SUOX: variants seen among roughly 807,000 people sequenced by gnomAD.
The protein encoded by SUOX is sulfite oxidase, also known as sulfite oxidase, mitochondrial.
SUOX carries 39 observed loss-of-function variants against 41.9 expected under a neutral mutation model. The observed-to-expected ratio is 0.93, with a 90% CI of 0.72 to 1.21. The LOEUF (loss-of-function observed/expected upper bound fraction) is 1.21. SUOX is among the 50% of genes most tolerant of loss of function. SUOX has a pLI of 0.00. For missense variants in SUOX, 633 were observed against 689.5 expected (o/e 0.92, Z 0.92); for synonymous variants, 220 against 268.4 (o/e 0.82, Z 1.76).
Position 56,004,320 on chromosome 12 carries a change from G to A in SUOX, c.931G>A (p.Glu311Lys), listed in dbSNP as rs778950352. Reference protein sequence around the residue: ...VLAQAGHQLCETEAHVCFEGL... With the variant: ...VLAQAGHQLCKTEAHVCFEGL... Reference sequence around the variant, plus strand: ...AGCCCAGGCTGGCCACCAACTCTGTGAAACTGAGGCCCACGTCTGCTTTGA... The same window carrying A: ...AGCCCAGGCTGGCCACCAACTCTGTAAAACTGAGGCCCACGTCTGCTTTGA... The change falls in exon 5 of 5, where the codon GAA (glutamate) becomes AAA (lysine). Residue 311 changes from glutamate (E) to lysine (K), a missense_variant. Glu to Lys is a moderately conservative substitution (Grantham distance 56, BLOSUM62 1). Coordinates refer to ENST00000266971, the MANE Select transcript of SUOX (RefSeq NM_001032386.2). This position sits in a 1 kb window ranked among gnomAD's most constrained non-coding sequence, Gnocchi z 4.5. The A allele has an allele frequency of 3.8e-5, 61 of 1,614,034 alleles. No homozygotes were observed. Among genetic ancestry groups the A allele is most frequent in the Non-Finnish European group, 5.2e-5 (61 of 1,180,030 alleles).
rs1347179760 is a variant in SUOX, at chr12:56,002,678, A to T, written c.186A>T (p.Leu62Phe). ...GATGGAGAGTCATGGGGACCCTATT[A>T]GGTCTCGGTGCAGTGTTGGCCTATC... ...TQGWRVMGTL[L>F]GLGAVLAYQD... Residue 62 changes from leucine (L) to phenylalanine (F), a missense_variant, in exon 4 of 5, where the codon TTA (leucine) becomes TTT (phenylalanine). By Grantham distance (22) the Leu-to-Phe change is conservative. Transcript: ENST00000266971. 6.2e-7 allele frequency: 1 copy of T among 1,614,088 alleles called. No homozygotes were observed. The highest frequency in any genetic ancestry group is 8.5e-7 in the Non-Finnish European group (1 of 1,180,022).
intron 2 of SUOX, among the ~76,000 whole-genome samples, chr12:55,998,553 G>T (rs887328087): frequency 7.2e-5 from 11 of 152,018 alleles, no homozygotes; most frequent in Admixed American, 5.2e-4. Context: ...GGGGCAGGGG[G>T]AGGGGAGGGG....
In SUOX at chr12:56,004,317, T is replaced by C; in HGVS notation, c.928T>C (p.Cys310Arg). Residue 310 changes from cysteine (C) to arginine (R), a missense_variant, in exon 5 of 5, where the codon TGT (cysteine) becomes CGT (arginine). Physicochemically the swap from Cys to Arg is radical, Grantham distance 180. Transcript: ENST00000266971. This position sits in a 1 kb window ranked among gnomAD's most constrained non-coding sequence, Gnocchi z 4.5. ...GTTAGCCCAGGCTGGCCACCAACTC[T>C]GTGAAACTGAGGCCCACGTCTGCTT... is the stretch of plus-strand genomic sequence containing the variant. ...DVLAQAGHQL[C>R]ETEAHVCFEG... 5 of 1,614,116 alleles carry C rather than the reference T, an allele frequency of 3.1e-6. No individual in the cohort carries two copies. Among genetic ancestry groups the C allele is most frequent in the Non-Finnish European group, 3.4e-6 (4 of 1,180,008 alleles).
At chr12:56,000,767 A>AT (rs1277858789) in intron 2 of SUOX, among the ~76,000 whole-genome samples, 1 of 151,830 alleles carries the variant, frequency 6.6e-6, no homozygotes, top group African/African-American at 2.4e-5. Context: ...TAATGTTATA[A>AT]TTTTTTTCTT....
At chr12:56,002,939 A>T (rs908857573) in intron 4 of SUOX, 7 of 512,792 alleles carry the variant, frequency 1.4e-5, no homozygotes, top group African/African-American at 1.2e-4. Context: ...AGACACAAGA[A>T]TCACTTAAAC....
In SUOX at chr12:56,004,009, ACAT is replaced by A. The variant is rs1230465435; in HGVS notation, c.623_625del (p.Ile208del). The A allele has an allele frequency of 6.2e-7, 1 of 1,613,992 alleles. No individual in the cohort carries two copies. The highest frequency in any genetic ancestry group is 8.5e-7 in the Non-Finnish European group (1 of 1,180,030). The stretch of plus-strand genomic sequence containing the variant: ...CCCCCTGAGCTGCTGACAGAAAACT[ACAT>A]CACACCCAACCCTATCTTCTTCACC... On this transcript the variant is annotated inframe_deletion, in exon 5 of 5. Transcript: ENST00000266971. The surrounding 1 kb of genome is among the most constrained non-coding windows in gnomAD (Gnocchi z 4.5).
In SUOX at chr12:55,997,296, A is replaced by T. The variant is rs928534134; in HGVS notation, c.-163A>T. ...GCCCCGCCCCTTCTCGAGAACTCGC[A>T]GAGCTGGGCTGGTAAAATTGCAGTG... On this transcript the variant is annotated 5_prime_UTR_variant, in exon 1 of 5. Coordinates refer to ENST00000266971, the MANE Select transcript of SUOX (RefSeq NM_001032386.2). 1.3e-5 allele frequency: 2 copies of T among 152,310 alleles called. No homozygotes were observed. The highest frequency in any genetic ancestry group is 2.4e-5 in the African/African-American group (1 of 41,446). 9.4% of individuals were successfully genotyped at this position (152,310 alleles called of 1,614,324 possible).
In SUOX at chr12:56,004,888, G is replaced by A; in HGVS notation, c.1499G>A (p.Gly500Glu). Reference protein sequence around the residue: ...LWQLKAPVPAGQKELNIVCKA... With the variant: ...LWQLKAPVPAEQKELNIVCKA... ...CAGTTGAAAGCCCCTGTGCCAGCTG[G>A]ACAAAAGGAACTGAACATTGTTTGT... is the stretch of plus-strand genomic sequence containing the variant. The change falls in exon 5 of 5, where the codon GGA becomes GAA. Residue 500 changes from glycine to glutamate, a missense_variant. Transcript: ENST00000266971. The surrounding 1 kb of genome is among the most constrained non-coding windows in gnomAD (Gnocchi z 4.5). The A allele has an allele frequency of 6.2e-7, 1 of 1,614,166 alleles. No individual in the cohort carries two copies. Among genetic ancestry groups the A allele is most frequent in the Non-Finnish European group, 8.5e-7 (1 of 1,180,028 alleles).
At chr12:56,003,063 G>C (rs889764209) in intron 4 of SUOX, 3 of 322,338 alleles carry the variant, frequency 9.3e-6, no homozygotes, top group African/African-American at 4.3e-5. Flanking sequence ...CAGAATAAAG[G>C]AATCAGTCCT....
Position 56,005,347 on chromosome 12 carries a change from T to G in SUOX, c.*320T>G. The G allele has an allele frequency of 1.7e-6, 1 of 587,868 alleles. No homozygotes were observed. Among genetic ancestry groups the G allele is most frequent in the Non-Finnish European group, 3.0e-6 (1 of 331,220 alleles). 36.4% of individuals were successfully genotyped at this position (587,868 alleles called of 1,614,324 possible). ...TCTAATGCCTACTGCCATCAAGGCCTTGTTTTGCTTTTCTTTTTGGATTGT... is the reference window on the plus strand; with the variant it reads ...TCTAATGCCTACTGCCATCAAGGCCGTGTTTTGCTTTTCTTTTTGGATTGT... On this transcript the variant is annotated 3_prime_UTR_variant, in exon 5 of 5. Transcript: ENST00000266971.
At chr12:56,001,442 T>C (rs1308137273) in intron 2 of SUOX, 3 of 152,260 alleles carry the variant, frequency 2.0e-5, no homozygotes, top group East Asian at 3.8e-4. Flanking sequence ...AATCTCTTAC[T>C]GTGGGTAATT....
chr12:55,999,092 G>C (rs925357611), intron 2 of SUOX, among the ~76,000 whole-genome samples: 3 of 151,946 alleles, frequency 2.0e-5, no homozygotes, highest in Non-Finnish European at 4.4e-5. Flanking sequence ...GGGATTATAG[G>C]CATGAGCCAC....
At chr12:55,998,838 G>C (rs563243219) in intron 2 of SUOX, among the ~76,000 whole-genome samples, 2 of 150,616 alleles carry the variant, frequency 1.3e-5, no homozygotes, top group African/African-American at 2.5e-5. Context: ...TTGCCCTGTT[G>C]CCCAGGCTGG....
At position 56,005,034 on chromosome 12, in the gene SUOX, A is replaced by G; in HGVS notation, c.*7A>G. Reference sequence around the variant, plus strand: ...TGTCTATGTCTCCCCATGAGCATGGAAAGGAGCCACCTCCACCCCTTTCCC... The same window carrying G: ...TGTCTATGTCTCCCCATGAGCATGGGAAGGAGCCACCTCCACCCCTTTCCC... On this transcript the variant is annotated 3_prime_UTR_variant, in exon 5 of 5. Transcript: ENST00000266971. The G allele has an allele frequency of 1.1e-5, 17 of 1,608,784 alleles. No homozygotes were observed. Among genetic ancestry groups the G allele is most frequent in the Non-Finnish European group, 1.4e-5 (16 of 1,179,966 alleles).
intron 2 of SUOX, among the ~76,000 whole-genome samples, chr12:55,998,776 T>C (rs1349406602): frequency 1.3e-5 from 2 of 150,866 alleles, no homozygotes; most frequent in Non-Finnish European, 2.9e-5. Context: ...CAGTGAGCCA[T>C]GATCGACACT....
chr12:56,003,561 A>G, intron 4 of SUOX, 57 bp from the exon 5 acceptor site: 1 of 1,563,400 alleles, frequency 6.4e-7, no homozygotes, highest in East Asian at 2.2e-5. Flanking sequence ...ACGCCCGACC[A>G]AGTGATTTCT....
rs1432065559 is a variant in SUOX at position 56,003,915 on chromosome 12, T to TA, written c.527dup (p.Tyr176Ter). The change falls in exon 5 of 5, where the codon TAT becomes TAAT. Residue 176 changes from tyrosine to a stop codon, truncating the protein, a stop_gained and frameshift_variant. Transcript: ENST00000266971. LOFTEE classifies it high-confidence loss of function. Reference sequence around the variant, plus strand: ...CCCCACCGTGGAGACCTCTGACCCTTATGCTGATGATCCTGTACGTCACCC... The same window carrying TA: ...CCCCACCGTGGAGACCTCTGACCCTTAATGCTGATGATCCTGTACGTCACCC... ...VAPTVETSDP[Y>*]ADDPVRHPAL... The TA allele has an allele frequency of 1.2e-6, 2 of 1,614,050 alleles. No homozygotes were observed. Among genetic ancestry groups the TA allele is most frequent in the East Asian group, 2.2e-5 (1 of 44,882 alleles).
chr12:55,999,815 G>A (rs1306967217), intron 2 of SUOX, among the ~76,000 whole-genome samples: 7 of 152,110 alleles, frequency 4.6e-5, no homozygotes, highest in Non-Finnish European at 1.0e-4. Context: ...TGATTGGTGC[G>A]TTTACAATCC....
chr12:56,003,983 TC>T lies in SUOX; in HGVS notation c.599del (p.Pro200LeufsTer4). 6.2e-7 allele frequency: 1 copy of T among 1,613,970 alleles called. No homozygotes were observed. Among genetic ancestry groups the T allele is most frequent in the Non-Finnish European group, 8.5e-7 (1 of 1,179,996 alleles). On this transcript the variant is annotated frameshift_variant, in exon 5 of 5. Transcript: ENST00000266971. LOFTEE classifies it high-confidence loss of function. ...GCCAGCGGCCCTTTAATGCAGAGCC[TC>T]CCCCTGAGCTGCTGACAGAAAACTA... ...NSQRPFNAEPPPELLTENYIT... is the reference protein window; with the variant it reads ...NSQRPFNAEPXPELLTENYIT...
Sources: allele counts gnomAD v4.1 joint callset (sites outside exome capture counted in the v4.1 genomes callset), GRCh38; gene constraint gnomAD v4.1.1; non-coding constraint Gnocchi (gnomAD v3.1); transcripts MANE v1.5; gene names NCBI Gene and HGNC (gene_info 2026-07-23, HGNC 2026-07-21).